The following SFT2D2 variants were observed in gnomAD, a reference collection of about 807,000 sequenced individuals.
The protein encoded by SFT2D2 is SFT2 domain containing 2.
In SFT2D2, 21 loss-of-function variants were observed where a neutral mutation model predicts 27.4. The ratio of observed to expected loss-of-function variants is 0.77; its 90% CI spans 0.54 to 1.10. The LOEUF is 1.10. SFT2D2 is among the 50% of genes least tolerant of loss of function. The pLI is 0.00. For missense variants in SFT2D2, 187 were observed against 194.2 expected, an observed-to-expected ratio of 0.96 and a Z score of 0.22; for synonymous variants, 72 against 71.7, an observed-to-expected ratio of 1.00 and a Z score of -0.02.
At chr1:168,234,646 A>G (rs1196243182) in intron 3 of SFT2D2, among the ~76,000 whole-genome samples, 1 of 152,224 alleles carries the variant, frequency 6.6e-6, no homozygotes, top group Non-Finnish European at 1.5e-5. Context: ...AAGATTATGA[A>G]AGAAAATGAA....
At position 168,247,013 on chromosome 1, in the gene SFT2D2, A is replaced by G. The variant is rs927786171; in HGVS notation, c.*4473A>G. ...GGTCTTCTTCTTTTTCATGACTATCAGAAATCTCAAACTGCAGAGTTCTTG... is the reference window on the plus strand; with the variant it reads ...GGTCTTCTTCTTTTTCATGACTATCGGAAATCTCAAACTGCAGAGTTCTTG... On this transcript the variant is annotated 3_prime_UTR_variant, in exon 8 of 8. Coordinates refer to ENST00000271375, the MANE Select transcript of SFT2D2 (RefSeq NM_199344.3). 2.0e-6 allele frequency: 1 copy of G among 508,684 alleles called. No individual in the cohort carries two copies. Among genetic ancestry groups the G allele is most frequent in the Non-Finnish European group, 3.8e-6 (1 of 263,768 alleles). 31.5% of individuals were successfully genotyped at this position (508,684 alleles called of 1,614,324 possible). A position where few individuals can be genotyped will look rare whatever the true frequency, so the allele number is the denominator to read the frequency against.
At position 168,242,895 on chromosome 1, in the gene SFT2D2, C is replaced by G. The variant is rs746329230; in HGVS notation, c.*355C>G. 1 of 309,988 alleles carries G rather than the reference C, an allele frequency of 3.2e-6. No homozygotes were observed. The highest frequency in any genetic ancestry group is 6.3e-6 in the Non-Finnish European group (1 of 159,196). 19.2% of individuals were successfully genotyped at this position (309,988 alleles called of 1,614,324 possible). ...TGATTCCCAGGTGGCAAAAGGCAGC[C>G]CCATCAGAGATCACGGGAGCAACAG... On this transcript the variant is annotated 3_prime_UTR_variant, in exon 8 of 8. Coordinates refer to ENST00000271375, the MANE Select transcript of SFT2D2 (RefSeq NM_199344.3).
At chr1:168,226,488 G>T (rs529316659) in intron 1 of SFT2D2, among the ~76,000 whole-genome samples, 1 of 152,186 alleles carries the variant, frequency 6.6e-6, no homozygotes, top group East Asian at 1.9e-4. Context: ...AGGGCTGGGG[G>T]CCCCGAGGTC....
chr1:168,230,957 G>A (rs1416002893), intron 1 of SFT2D2, among the ~76,000 whole-genome samples: 1 of 152,226 alleles, frequency 6.6e-6, no homozygotes, highest in Admixed American at 6.5e-5. Flanking sequence ...TCTCCCACTT[G>A]GATGAGTTGG....
chr1:168,228,571 G>A (rs1287870168), intron 1 of SFT2D2, among the ~76,000 whole-genome samples: 1 of 152,132 alleles, frequency 6.6e-6, no homozygotes, highest in African/African-American at 2.4e-5. Context: ...CTTTCTGAAA[G>A]TATAGGTTTT....
In SFT2D2 at chr1:168,235,300, AC is replaced by A; in HGVS notation, c.318+121del. ...CTTTTTCCGTTCAGCTTGACTTATT[AC>A]CCTATTCCTATAACCATGTGGCAGA... On this transcript the variant is annotated intron_variant, in intron 4 of 7. Coordinates refer to ENST00000271375, the MANE Select transcript of SFT2D2 (RefSeq NM_199344.3). 3 of 948,954 alleles carry A rather than the reference AC, an allele frequency of 3.2e-6. No individual in the cohort carries two copies. The South Asian group carries it at 4.2e-5, about 13-fold the overall frequency. The allele number at this position is 948,954 out of a possible 1,614,324, so 58.8% of individuals were successfully genotyped here.
chr1:168,235,042 T>C, intron 3 of SFT2D2, 59 bp from the exon 4 acceptor site: 1 of 1,458,304 alleles, frequency 6.9e-7, no homozygotes, highest in Non-Finnish European at 9.6e-7. Flanking sequence ...GGGAGGCGAC[T>C]CAGTGTGCCT....
At chr1:168,239,076 A>C in intron 6 of SFT2D2, 55 bp from the exon 7 acceptor site, 1 of 1,360,396 alleles carries the variant, frequency 7.4e-7, no homozygotes, top group Non-Finnish European at 1.1e-6. Flanking sequence ...ATTCTGCTGG[A>C]TAATCTGCTA....
chr1:168,227,833 A>G (rs1378783205), intron 1 of SFT2D2, among the ~76,000 whole-genome samples: 5 of 152,234 alleles, frequency 3.3e-5, no homozygotes, highest in Admixed American at 6.5e-5. Flanking sequence ...GAGTGTTGAC[A>G]GTGGGATGAT....
chr1:168,237,916 G>T (rs1230742421), intron 6 of SFT2D2, among the ~76,000 whole-genome samples: 2 of 148,586 alleles, frequency 1.3e-5, no homozygotes, highest in Admixed American at 6.7e-5. Flanking sequence ...TTTATATTTT[G>T]ATTTTTCTTC....
In SFT2D2 at chr1:168,236,764, T is replaced by G. The variant is rs1647514320; in HGVS notation, c.407T>G (p.Leu136Trp). Residue 136 changes from leucine (L) to tryptophan (W), a missense_variant, in exon 6 of 8, where the codon TTG becomes TGG. By Grantham distance (61) the Leu-to-Trp change is moderately conservative. Coordinates refer to ENST00000271375, the MANE Select transcript of SFT2D2 (RefSeq NM_199344.3). ...LIFCILQSLA[L>W]TWYSLSFIPF... ...TTCTGCATTTTGCAGTCTTTGGCAT[T>G]GACGTGGTAAGTAACCTTTTAAACA... 1.2e-6 allele frequency: 2 copies of G among 1,614,102 alleles called. No homozygotes were observed. Among genetic ancestry groups the G allele is most frequent in the Non-Finnish European group, 1.7e-6 (2 of 1,180,020 alleles).
intron 3 of SFT2D2, among the ~76,000 whole-genome samples, chr1:168,234,099 A>C (rs1221964745): frequency 6.6e-6 from 1 of 152,198 alleles, no homozygotes; most frequent in Non-Finnish European, 1.5e-5. Context: ...GTTCATTCAT[A>C]CAGAAAGCAT....
At position 168,251,498 on chromosome 1, in the gene SFT2D2, A is replaced by G. The variant is rs941057458; in HGVS notation, c.*8958A>G. 6.6e-6 allele frequency: 1 copy of G among 152,142 alleles called. No individual in the cohort carries two copies. Among genetic ancestry groups the G allele is most frequent in the Non-Finnish European group, 1.5e-5 (1 of 68,032 alleles). 9.4% of individuals were successfully genotyped at this position (152,142 alleles called of 1,614,324 possible). Reference sequence around the variant, plus strand: ...GAAATTGAAGGGCAGCCCAGTGGCTATGGATTCTATTTTCTATGGGACTGT... The same window carrying G: ...GAAATTGAAGGGCAGCCCAGTGGCTGTGGATTCTATTTTCTATGGGACTGT... On this transcript the variant is annotated 3_prime_UTR_variant, in exon 8 of 8. Coordinates refer to ENST00000271375, the MANE Select transcript of SFT2D2 (RefSeq NM_199344.3).
chr1:168,226,624 C>T (rs1700461759), intron 1 of SFT2D2, among the ~76,000 whole-genome samples: 1 of 152,088 alleles, frequency 6.6e-6, no homozygotes, highest in South Asian at 2.1e-4. Flanking sequence ...GTTTTCTGTC[C>T]GGTTTAGGTT....
intron 1 of SFT2D2, 105 bp from the exon 2 acceptor site, chr1:168,231,409 C>T: frequency 2.2e-6 from 2 of 914,448 alleles, no homozygotes; most frequent in South Asian, 1.5e-5. Context: ...ATTCTGTGCT[C>T]CTTGCCTTCC....
In SFT2D2 at chr1:168,248,192, T is replaced by G. The variant is rs768301452; in HGVS notation, c.*5652T>G. 4 of 152,276 alleles carry G rather than the reference T, an allele frequency of 2.6e-5. No homozygotes were observed. The highest frequency in any genetic ancestry group is 5.9e-5 in the Non-Finnish European group (4 of 68,070). 9.4% of individuals were successfully genotyped at this position (152,276 alleles called of 1,614,324 possible). On this transcript the variant is annotated 3_prime_UTR_variant, in exon 8 of 8. Coordinates refer to ENST00000271375, the MANE Select transcript of SFT2D2 (RefSeq NM_199344.3). ...GTTTAATTAGATCTCATTTTGTCTA[T>G]TTTGGCTTTTGTTGCCATTGCTTTT...
intron 3 of SFT2D2, among the ~76,000 whole-genome samples, chr1:168,233,079 C>A (rs558240614): frequency 2.0e-5 from 3 of 152,190 alleles, no homozygotes; most frequent in Non-Finnish European, 2.9e-5. Flanking sequence ...TTCCTCAGCA[C>A]GCATACAGTC....
rs1345125710 is a variant in SFT2D2, at chr1:168,248,409, TGA to T, written c.*5875_*5876del. The T allele has an allele frequency of 2.0e-5, 3 of 152,266 alleles. No homozygotes were observed. Among genetic ancestry groups the T allele is most frequent in the African/African-American group, 7.2e-5 (3 of 41,426 alleles). The allele number at this position is 152,266 out of a possible 1,614,324, so 9.4% of individuals were successfully genotyped here. A position where few individuals can be genotyped will look rare whatever the true frequency, so the allele number is the denominator to read the frequency against. ...CCAGTACTATGTTGAGTAGGAATGG[TGA>T]GAGAGGGCATCCTTGTCTTGTGCTG... On this transcript the variant is annotated 3_prime_UTR_variant, in exon 8 of 8. Transcript: ENST00000271375.
intron 1 of SFT2D2, chr1:168,229,797 T>A (rs1476259709): frequency 6.6e-6 from 1 of 152,174 alleles, no homozygotes; most frequent in Admixed American, 6.5e-5. Context: ...AATGCTTTAG[T>A]CCGAAGTAGC....
Sources: gnomAD v4.1 joint callset for allele counts (sites outside exome capture counted in the v4.1 genomes callset) on GRCh38, gnomAD v4.1.1 for gene constraint, MANE v1.5 for transcripts, NCBI Gene and HGNC (gene_info 2026-07-23, HGNC 2026-07-21) for gene names.